The following CA6 variants were observed in gnomAD, a reference collection of about 807,000 sequenced individuals.
The protein encoded by CA6 is carbonate dehydratase VI.
In CA6, 28 loss-of-function variants were observed where a neutral mutation model predicts 35.9. The ratio of observed to expected loss-of-function variants is 0.78; its 90% confidence interval spans 0.58 to 1.07. The LOEUF (loss-of-function observed/expected upper bound fraction) is 1.07. Among genes scored for constraint, CA6 ranks in the 50% least tolerant of loss-of-function variants. The pLI, the probability that CA6 is intolerant of heterozygous loss-of-function variation, is 0.00. For synonymous variants in CA6, 148 were observed against 152.6 expected, an observed-to-expected ratio of 0.97 and a Z score of 0.22; for missense variants, 377 against 382.0, an observed-to-expected ratio of 0.99 and a Z score of 0.11.
rs942117595 is a variant in CA6, at chr1:8,974,860, A to G, written c.*156A>G. On this transcript the variant is annotated 3_prime_UTR_variant, in exon 8 of 8. Transcript: ENST00000377443. ...GGCAGCTGTTGGGATTCTGATTAAA[A>G]GAGGGGAAACGATCATCCTGGACAG... 4 of 531,508 alleles carry G rather than the reference A, an allele frequency of 7.5e-6. No individual in the cohort carries two copies. The African/African-American group carries it at 7.9e-5, about 10-fold the overall frequency. 32.9% of individuals were successfully genotyped at this position (531,508 alleles called of 1,614,324 possible). A position where few individuals can be genotyped will look rare whatever the true frequency, so the allele number is the denominator to read the frequency against.
chr1:8,968,830 A>G (rs1431667473), intron 6 of CA6, among the ~76,000 whole-genome samples: 1 of 151,800 alleles, frequency 6.6e-6, no homozygotes, highest in Non-Finnish European at 1.5e-5. Flanking sequence ...AGCCTGGCCA[A>G]CATGGTGGAA....
intron 7 of CA6, 126 bp from the exon 8 acceptor site, chr1:8,974,496 C>T: frequency 6.9e-7 from 1 of 1,458,650 alleles, no homozygotes; most frequent in Non-Finnish European, 9.2e-7. Flanking sequence ...ACGTGGAGAG[C>T]ATTCTAAGGA....
intron 4 of CA6, among the ~76,000 whole-genome samples, chr1:8,962,236 T>TCAAA (rs201328498): frequency 1.4e-5 from 2 of 139,774 alleles, no homozygotes; most frequent in Admixed American, 7.2e-5. Context: ...AGCAAGACTC[T>TCAAA]TAAAAAAAAA....
chr1:8,951,130 C>A (rs534749441), intron 2 of CA6, among the ~76,000 whole-genome samples: 6 of 149,858 alleles, frequency 4.0e-5, no homozygotes, highest in African/African-American at 1.5e-4. Flanking sequence ...GCAGGAGAAT[C>A]ACTTGAACTC....
intron 1 of CA6, among the ~76,000 whole-genome samples, chr1:8,947,010 G>A (rs1053941540): frequency 6.6e-6 from 1 of 151,822 alleles, no homozygotes; most frequent in Non-Finnish European, 1.5e-5. Flanking sequence ...TACCACGTTG[G>A]CCAGGCTGTT....
chr1:8,966,586 T>C (rs1639973447), intron 5 of CA6, among the ~76,000 whole-genome samples: 1 of 152,222 alleles, frequency 6.6e-6, no homozygotes. Flanking sequence ...TAGAACTCTT[T>C]TGCCTACTCA....
intron 1 of CA6, among the ~76,000 whole-genome samples, chr1:8,946,359 G>A (rs1569642945): frequency 6.6e-6 from 1 of 151,732 alleles, no homozygotes; most frequent in African/African-American, 2.4e-5. Context: ...GCATTTCACA[G>A]GATGGCCAGG....
Position 8,967,963 on chromosome 1 carries a change from C to CTTTT in CA6, c.729+164_729+167dup, listed in dbSNP as rs34107058. ...GGCTACTGTGCCTCGTCTAGCCAAC[C>CTTTT]TTTTTTTTTTTTTTTTTTTTGTGAG... On this transcript the variant is annotated intron_variant, in intron 6 of 7. Coordinates refer to ENST00000377443, the MANE Select transcript of CA6 (RefSeq NM_001215.4). 2.4e-3 allele frequency: 705 copies of CTTTT among 296,554 alleles called. 5 individuals are homozygous for CTTTT. Among genetic ancestry groups the CTTTT allele is most frequent in the Middle Eastern group, 4.6e-3 (4 of 866 alleles). The allele number at this position is 296,554 out of a possible 1,614,324, so 18.4% of individuals were successfully genotyped here.
chr1:8,964,610 C>T (rs1178678303), intron 5 of CA6, among the ~76,000 whole-genome samples: 2 of 152,138 alleles, frequency 1.3e-5, no homozygotes, highest in Non-Finnish European at 2.9e-5. Context: ...GCCCTAATTC[C>T]TCCCACCTCC....
Position 8,956,553 on chromosome 1 carries a change from G to A in CA6, c.260-584G>A, listed in dbSNP as rs942900757. ...CGGGCACCTGTAGTTCCAGCTACTC[G>A]GGAGGCTGAGGTGATAGGATCCCTT... On this transcript the variant is annotated intron_variant, in intron 2 of 7. Coordinates refer to ENST00000377443, the MANE Select transcript of CA6 (RefSeq NM_001215.4). 7.9e-5 allele frequency among the ~76,000 whole-genome samples: 12 copies of A among 152,100 alleles called. No individual in the cohort carries two copies. The South Asian group carries it at 1.9e-3, about 24-fold the overall frequency.
intron 7 of CA6, 102 bp from the exon 8 acceptor site, chr1:8,974,520 C>T: frequency 1.4e-6 from 2 of 1,433,012 alleles, no homozygotes; most frequent in Non-Finnish European, 1.9e-6. Context: ...AAAAGACTTC[C>T]CAAAAATACG....
intron 7 of CA6, among the ~76,000 whole-genome samples, 194 bp downstream of exon 7, chr1:8,971,175 T>C (rs1640100967): frequency 6.6e-6 from 1 of 152,024 alleles, no homozygotes; most frequent in African/African-American, 2.4e-5. Flanking sequence ...GGGATGCCAG[T>C]GAGTAGAACA....
chr1:8,972,492 G>A (rs984666328), intron 7 of CA6, among the ~76,000 whole-genome samples: 6 of 152,126 alleles, frequency 3.9e-5, no homozygotes, highest in African/African-American at 1.4e-4. Flanking sequence ...CTAACATGGT[G>A]AAACCCCGCC....
intron 3 of CA6, 91 bp from the exon 4 acceptor site, chr1:8,958,819 G>A: frequency 1.4e-6 from 1 of 731,012 alleles, no homozygotes; most frequent in Non-Finnish European, 2.4e-6. Context: ...CTCAGACGGA[G>A]CACCTTTCTT....
chr1:8,962,774 C>A (rs1013448629), intron 5 of CA6, 118 bp downstream of exon 5: 3 of 813,506 alleles, frequency 3.7e-6, no homozygotes, highest in Non-Finnish European at 4.2e-6. Flanking sequence ...GTGGGCCCTG[C>A]CAAGGGAGTC....
At chr1:8,964,754 A>G (rs186518160) in intron 5 of CA6, among the ~76,000 whole-genome samples, 11 of 152,112 alleles carry the variant, frequency 7.2e-5, no homozygotes, top group East Asian at 1.9e-4. Context: ...GCTGGCCCCA[A>G]TGCTCCACGG....
chr1:8,972,404 G>A (rs1254294930), intron 7 of CA6, among the ~76,000 whole-genome samples: 2 of 152,152 alleles, frequency 1.3e-5, no homozygotes, highest in Admixed American at 1.3e-4. Flanking sequence ...CGGGTGTGGC[G>A]GCTCACGCCT....
chr1:8,949,516 G>A, intron 2 of CA6, 74 bp downstream of exon 2: 1 of 1,282,500 alleles, frequency 7.8e-7, no homozygotes, highest in Non-Finnish European at 1.1e-6. Flanking sequence ...ACGTGTCCCT[G>A]CCAGGAATGG....
At chr1:8,965,196 A>C (rs1639938331) in intron 5 of CA6, among the ~76,000 whole-genome samples, 1 of 152,168 alleles carries the variant, frequency 6.6e-6, no homozygotes, top group African/African-American at 2.4e-5. Flanking sequence ...GTGAGCTGAG[A>C]TTGTGTCGCT....
Sources: allele counts gnomAD v4.1 joint callset (sites outside exome capture counted in the v4.1 genomes callset), GRCh38; gene constraint gnomAD v4.1.1; transcripts MANE v1.5; gene names NCBI Gene and HGNC (gene_info 2026-07-23, HGNC 2026-07-21).